CDC14B: variants seen among roughly 807,000 people sequenced by gnomAD.
CDC14B encodes the protein dual specificity protein phosphatase CDC14B.
In CDC14B, 22 loss-of-function variants were observed where a neutral mutation model predicts 64.2. That is an observed-to-expected ratio of 0.34 (90% CI 0.24 to 0.49). The LOEUF is 0.49. Ranked by LOEUF, CDC14B falls within the 20% of genes least tolerant of loss-of-function variation. The pLI is 0.99. For missense variants in CDC14B, 498 were observed against 629.9 expected (o/e 0.79, Z 2.24); for synonymous variants, 191 against 215.8 (o/e 0.89, Z 1.01).
chr9:96,587,739 G>A (rs1404274610), intron 1 of CDC14B, among the ~76,000 whole-genome samples: 1 of 152,130 alleles, frequency 6.6e-6, no homozygotes, highest in Non-Finnish European at 1.5e-5. Context: ...AGAGTAAGTA[G>A]CCTGCACAGG....
Position 96,565,394 on chromosome 9 carries a change from T to C in CDC14B, c.250A>G (p.Asn84Asp), listed in dbSNP as rs141962545. The C allele has an allele frequency of 1.9e-6, 3 of 1,564,028 alleles. No homozygotes were observed. The African/African-American group carries it at 4.0e-5, about 21-fold the overall frequency. Residue 84 changes from asparagine to aspartate, a missense_variant and splice_region_variant, in exon 2 of 14, where the codon AAC becomes GAC. Transcript: ENST00000375241. ...FSIDNELEYE[N>D]FYADFGPLNL... ...AATCTTTTAAAGAGCAATACTTACT[T>C]CTCATATTCAAGTTCATTATCTATG...
chr9:96,560,658 A>C (rs1035967341), intron 4 of CDC14B, among the ~76,000 whole-genome samples: 1 of 138,420 alleles, frequency 7.2e-6, no homozygotes, highest in Non-Finnish European at 1.5e-5. Context: ...ATCTCGGCTC[A>C]TTGTAACCTC....
At chr9:96,594,246 G>C (rs1845939157) in intron 1 of CDC14B, among the ~76,000 whole-genome samples, 1 of 152,192 alleles carries the variant, frequency 6.6e-6, no homozygotes, top group Admixed American at 6.5e-5. Context: ...CAGATGCCCT[G>C]AATTAACGAC....
intron 1 of CDC14B, among the ~76,000 whole-genome samples, chr9:96,592,600 C>G (rs918314855): frequency 1.3e-5 from 2 of 151,894 alleles, no homozygotes; most frequent in Non-Finnish European, 2.9e-5. Flanking sequence ...ATAGTGAAAC[C>G]CTGTCTCTAC....
intron 13 of CDC14B, among the ~76,000 whole-genome samples, chr9:96,505,323 G>A (rs139373912): frequency 6.6e-6 from 1 of 152,268 alleles, no homozygotes; most frequent in Non-Finnish European, 1.5e-5. Flanking sequence ...GAAAGTGATG[G>A]TTCCTAGTGA....
chr9:96,541,682 T>G, intron 6 of CDC14B, 144 bp downstream of exon 6: 1 of 463,740 alleles, frequency 2.2e-6, no homozygotes, highest in South Asian at 7.1e-5. Flanking sequence ...CATTCTGACA[T>G]TAGTTGGGAA....
intron 1 of CDC14B, among the ~76,000 whole-genome samples, chr9:96,599,574 G>A (rs186008303): frequency 6.6e-6 from 1 of 152,108 alleles, no homozygotes; most frequent in African/African-American, 2.4e-5. Context: ...ACAGAACAAA[G>A]ATACTAATGA....
At chr9:96,604,695 GT>G (rs1846761175) in intron 1 of CDC14B, among the ~76,000 whole-genome samples, 1 of 148,566 alleles carries the variant, frequency 6.7e-6, no homozygotes, top group Non-Finnish European at 1.5e-5. Context: ...GGGGGACAGA[GT>G]CTTGCTCTGT....
intron 7 of CDC14B, among the ~76,000 whole-genome samples, chr9:96,534,760 T>A (rs1191699836): frequency 6.6e-6 from 1 of 152,238 alleles, no homozygotes; most frequent in East Asian, 1.9e-4. Flanking sequence ...TAACAGTGTT[T>A]CATTGCTAGG....
At chr9:96,543,386 G>A (rs1840365351) in intron 5 of CDC14B, among the ~76,000 whole-genome samples, 2 of 150,652 alleles carry the variant, frequency 1.3e-5, no homozygotes, top group South Asian at 2.1e-4. Flanking sequence ...TCACCTTTTT[G>A]GCCTCCCGAA....
In CDC14B at chr9:96,607,265, T is replaced by C. The variant is rs551863240; in HGVS notation, c.160+11954A>G. 2.0e-5 allele frequency among the ~76,000 whole-genome samples: 3 copies of C among 151,996 alleles called. No homozygotes were observed. In the East Asian group the frequency reaches 5.8e-4, roughly 29 times the overall value. ...ATTTAAGCTCTAAAAATCTGATCAATGCTACCTGAAAAGGCCCCCATGGAT... is the reference window on the plus strand; with the variant it reads ...ATTTAAGCTCTAAAAATCTGATCAACGCTACCTGAAAAGGCCCCCATGGAT... On this transcript the variant is annotated intron_variant, in intron 1 of 13. Transcript: ENST00000375241.
intron 1 of CDC14B, among the ~76,000 whole-genome samples, chr9:96,602,956 C>T (rs552264252): frequency 6.6e-6 from 1 of 152,078 alleles, no homozygotes; most frequent in African/African-American, 2.4e-5. Context: ...CTATTATCAC[C>T]ACATCTCGAC....
At chr9:96,539,507 G>A (rs1171891832) in intron 6 of CDC14B, among the ~76,000 whole-genome samples, 1 of 152,036 alleles carries the variant, frequency 6.6e-6, no homozygotes, top group African/African-American at 2.4e-5. Context: ...AGAAGTTTAG[G>A]ATTCAAATAT....
At chr9:96,514,382 A>C in intron 12 of CDC14B, 1 of 974,262 alleles carries the variant, frequency 1.0e-6, no homozygotes, top group Non-Finnish European at 1.2e-6. Context: ...AAGAGAAGTA[A>C]AGAAGAAAAC....
At chr9:96,590,452 T>C (rs1201777052) in intron 1 of CDC14B, among the ~76,000 whole-genome samples, 1 of 152,172 alleles carries the variant, frequency 6.6e-6, no homozygotes, top group African/African-American at 2.4e-5. Context: ...GGACTGGACA[T>C]AAGTGTAAAA....
At chr9:96,555,247 G>A (rs1842348744) in intron 4 of CDC14B, among the ~76,000 whole-genome samples, 1 of 152,184 alleles carries the variant, frequency 6.6e-6, no homozygotes, top group Non-Finnish European at 1.5e-5. Flanking sequence ...TCATAAAAGA[G>A]GTAGCTCCTG....
At chr9:96,607,410 T>C (rs759384424) in intron 1 of CDC14B, among the ~76,000 whole-genome samples, 1 of 147,114 alleles carries the variant, frequency 6.8e-6, no homozygotes, top group Non-Finnish European at 1.5e-5. Context: ...TTAAACGTGA[T>C]GTCTTTTTTT....
intron 12 of CDC14B, among the ~76,000 whole-genome samples, chr9:96,512,788 C>G (rs7874827): frequency 0.017 from 2,585 of 152,258 alleles, 68 homozygotes; most frequent in African/African-American, 0.059. Context: ...TGCCACTGTT[C>G]TCATCCGCTC....
chr9:96,522,952 T>C (rs1045352603), intron 11 of CDC14B, among the ~76,000 whole-genome samples: 1 of 152,230 alleles, frequency 6.6e-6, no homozygotes, highest in Non-Finnish European at 1.5e-5. Flanking sequence ...TATTTGAGAA[T>C]GATTGCTTTC....
Sources: gnomAD v4.1 joint callset for allele counts (sites outside exome capture counted in the v4.1 genomes callset) on GRCh38, gnomAD v4.1.1 for gene constraint, MANE v1.5 for transcripts, NCBI Gene and HGNC (gene_info 2026-07-23, HGNC 2026-07-21) for gene names.